The following CTTNBP2 variants were observed in gnomAD, a reference collection of about 807,000 sequenced individuals.
CTTNBP2 encodes the protein cortactin-binding protein 2.
A neutral mutation model predicts 156.9 loss-of-function variants in CTTNBP2; 108 were observed. That is an observed-to-expected ratio of 0.69 (90% confidence interval 0.59 to 0.81). The LOEUF (loss-of-function observed/expected upper bound fraction) is 0.81. CTTNBP2 is among the 30% of genes least tolerant of loss of function. The pLI is 0.00. For missense variants in CTTNBP2, 1,924 were observed against 2,035.4 expected, an observed-to-expected ratio of 0.95 and a Z score of 1.05; for synonymous variants, 767 against 751.8, an observed-to-expected ratio of 1.02 and a Z score of -0.33.
chr7:117,857,129 C>A (rs1803385050), intron 2 of CTTNBP2, among the ~76,000 whole-genome samples: 1 of 152,122 alleles, frequency 6.6e-6, no homozygotes, highest in Non-Finnish European at 1.5e-5. Flanking sequence ...TGGACTTTAT[C>A]TGAATGTTAT....
At chr7:117,780,768 C>A (rs1172943987) in intron 6 of CTTNBP2, among the ~76,000 whole-genome samples, 177 bp from the exon 7 acceptor site, 1 of 151,916 alleles carries the variant, frequency 6.6e-6, no homozygotes, top group Non-Finnish European at 1.5e-5. Context: ...GTTTTTTTCA[C>A]AAGGCTAGAA....
At chr7:117,837,863 C>G (rs1050101104) in intron 2 of CTTNBP2, among the ~76,000 whole-genome samples, 1 of 152,140 alleles carries the variant, frequency 6.6e-6, no homozygotes, top group Admixed American at 6.5e-5. Context: ...CGCCCAGATA[C>G]CCCAGAAAAG....
intron 12 of CTTNBP2, among the ~76,000 whole-genome samples, chr7:117,751,694 T>G (rs1796626825): frequency 6.6e-6 from 1 of 152,198 alleles, no homozygotes; most frequent in Admixed American, 6.5e-5. Context: ...ACAGTTCACA[T>G]ACATAGCAGA....
At chr7:117,756,084 T>C (rs564038744) in intron 12 of CTTNBP2, among the ~76,000 whole-genome samples, 3 of 152,374 alleles carry the variant, frequency 2.0e-5, no homozygotes, top group South Asian at 4.1e-4. Flanking sequence ...CTGGGACTTA[T>C]ATGTTTAAGA....
At chr7:117,734,776 T>C (rs565065827) in intron 16 of CTTNBP2, 137 bp downstream of exon 16, 170 of 550,840 alleles carry the variant, frequency 3.1e-4, no homozygotes, top group Non-Finnish European at 5.0e-4. Flanking sequence ...ATTCATTATG[T>C]TTTTTGGCCC....
intron 2 of CTTNBP2, among the ~76,000 whole-genome samples, chr7:117,816,768 T>C (rs1329710108): frequency 6.6e-6 from 1 of 152,152 alleles, no homozygotes; most frequent in Non-Finnish European, 1.5e-5. Flanking sequence ...ACATTATGTT[T>C]AATAAAGGCA....
chr7:117,786,637 T>G (rs1410284198), intron 4 of CTTNBP2, among the ~76,000 whole-genome samples: 1 of 152,196 alleles, frequency 6.6e-6, no homozygotes, highest in Non-Finnish European at 1.5e-5. Flanking sequence ...TCTCTTTAGA[T>G]CTCATCCAAG....
At chr7:117,738,227 T>C (rs1018036584) in intron 14 of CTTNBP2, among the ~76,000 whole-genome samples, 1 of 152,150 alleles carries the variant, frequency 6.6e-6, no homozygotes, top group Non-Finnish European at 1.5e-5. Flanking sequence ...TCCCTAGTGA[T>C]TGGAATGTGC....
chr7:117,800,494 G>C (rs957116130), intron 3 of CTTNBP2, among the ~76,000 whole-genome samples: 2 of 152,040 alleles, frequency 1.3e-5, no homozygotes, highest in Admixed American at 6.6e-5. Context: ...TATGTGAATT[G>C]TACTTCCTGT....
chr7:117,843,737 G>A (rs964362120), intron 2 of CTTNBP2, among the ~76,000 whole-genome samples: 1 of 152,110 alleles, frequency 6.6e-6, no homozygotes, highest in African/African-American at 2.4e-5. Flanking sequence ...CGATGACTAT[G>A]GAAAACAGAA....
chr7:117,837,311 T>C (rs1802016585), intron 2 of CTTNBP2, among the ~76,000 whole-genome samples: 1 of 152,160 alleles, frequency 6.6e-6, no homozygotes, highest in Non-Finnish European at 1.5e-5. Context: ...CTTGCTAACA[T>C]CCACCAGCCT....
chr7:117,795,193 C>A (rs1799252406), intron 3 of CTTNBP2, among the ~76,000 whole-genome samples: 1 of 151,604 alleles, frequency 6.6e-6, no homozygotes, highest in African/African-American at 2.4e-5. Flanking sequence ...CCGCGCCCGG[C>A]CTACTGTTTT....
intron 2 of CTTNBP2, among the ~76,000 whole-genome samples, chr7:117,854,659 T>A (rs887071057): frequency 6.6e-6 from 1 of 152,224 alleles, no homozygotes; most frequent in Non-Finnish European, 1.5e-5. Flanking sequence ...AATGGGCATT[T>A]TCAGAATAAT....
rs549162205 is a variant in CTTNBP2, at chr7:117,740,715, T to C, written c.3535+5116A>G. Among the ~76,000 whole-genome samples, 70 of 152,340 alleles carry C rather than the reference T, an allele frequency of 4.6e-4. 1 individual carries two copies. The Middle Eastern group carries it at 0.014, about 30-fold the overall frequency. On this transcript the variant is annotated intron_variant, in intron 14 of 22. Coordinates refer to ENST00000160373, the MANE Select transcript of CTTNBP2 (RefSeq NM_033427.3). Reference sequence around the variant, plus strand: ...CTGACTTCTCTACCCTGTGGCCTCATCCATCGCCTCTTGACTGAAGGATCA... The same window carrying C: ...CTGACTTCTCTACCCTGTGGCCTCACCCATCGCCTCTTGACTGAAGGATCA...
In CTTNBP2 at chr7:117,863,960, G is replaced by A. The variant is rs1237310945; in HGVS notation, c.82-2644C>T. On this transcript the variant is annotated intron_variant, in intron 1 of 22. Coordinates refer to ENST00000160373, the MANE Select transcript of CTTNBP2 (RefSeq NM_033427.3). Reference sequence around the variant, plus strand: ...TAGAGTGTAATGCTTTATTAATGATGCTGCTGGTTGCTCTAAAGATTTTAA... The same window carrying A: ...TAGAGTGTAATGCTTTATTAATGATACTGCTGGTTGCTCTAAAGATTTTAA... Among the ~76,000 whole-genome samples the A allele has an allele frequency of 4.6e-5, 7 of 152,186 alleles. 1 individual carries two copies. Among genetic ancestry groups the A allele is most frequent in the Admixed American group, 2.6e-4 (4 of 15,284 alleles).
intron 8 of CTTNBP2, among the ~76,000 whole-genome samples, chr7:117,772,320 G>A (rs553040510): frequency 3.9e-5 from 6 of 151,990 alleles, no homozygotes; most frequent in South Asian, 4.1e-4. Context: ...AAATTTATTC[G>A]TAAAAGAGTA....
chr7:117,866,710 C>T (rs1804224500), intron 1 of CTTNBP2, among the ~76,000 whole-genome samples: 1 of 152,098 alleles, frequency 6.6e-6, no homozygotes, highest in African/African-American at 2.4e-5. Context: ...TAAATCTCCC[C>T]CATCCCCTAA....
At chr7:117,738,127 A>G (rs1795808178) in intron 14 of CTTNBP2, among the ~76,000 whole-genome samples, 1 of 152,214 alleles carries the variant, frequency 6.6e-6, no homozygotes, top group Admixed American at 6.5e-5. Context: ...CCTGAGCTGC[A>G]GGAATCGCTG....
chr7:117,873,158 C>T (rs532799843), intron 1 of CTTNBP2, among the ~76,000 whole-genome samples, 177 bp downstream of exon 1: 10 of 152,252 alleles, frequency 6.6e-5, no homozygotes, highest in Admixed American at 1.3e-4. Flanking sequence ...TCCGCTCCCC[C>T]CCGCGGCCTC....
Sources: gnomAD v4.1 joint callset for allele counts (sites outside exome capture counted in the v4.1 genomes callset) on GRCh38, gnomAD v4.1.1 for gene constraint, MANE v1.5 for transcripts, NCBI Gene and HGNC (gene_info 2026-07-23, HGNC 2026-07-21) for gene names.